NUP98: variants seen among roughly 807,000 people sequenced by gnomAD.
The protein encoded by NUP98 is nuclear pore complex protein Nup98-Nup96.
In NUP98, 26 loss-of-function variants were observed where a neutral mutation model predicts 191.9. The observed-to-expected ratio is 0.14, with a 90% CI of 0.10 to 0.19. NUP98 has a LOEUF of 0.19. Among genes scored for constraint, NUP98 ranks in the 10% least tolerant of loss-of-function variants. The pLI, the probability that NUP98 is intolerant of heterozygous loss-of-function variation, is 1.00. For synonymous variants in NUP98, 808 were observed against 778.4 expected (o/e 1.04, Z -0.63); for missense variants, 1,941 against 2,178.8 (o/e 0.89, Z 2.17).
Position 3,744,568 on chromosome 11 carries a change from G to T in NUP98, c.1349C>A (p.Ala450Asp), listed in dbSNP as rs2080418108. The T allele has an allele frequency of 6.2e-7, 1 of 1,613,796 alleles. No individual in the cohort carries two copies. The highest frequency in any genetic ancestry group is 8.5e-7 in the Non-Finnish European group (1 of 1,179,798). Residue 450 changes from alanine to aspartate, a missense_variant, in exon 12 of 33, where the codon GCC (alanine) becomes GAC (aspartate). Ala to Asp is a moderately radical substitution (Grantham distance 126, BLOSUM62 -2). Coordinates refer to ENST00000324932, the MANE Select transcript of NUP98 (RefSeq NM_016320.5). ...GGPLGTGAFG[A>D]PGFNTTTATL... The stretch of plus-strand genomic sequence containing the variant: ...GGCTGTCGTAGTATTAAATCCAGGG[G>T]CCCCAAAGGCTCCTGTACCAAGAGG...
intron 24 of NUP98, among the ~76,000 whole-genome samples, chr11:3,699,942 C>T (rs1408219226): frequency 6.6e-6 from 1 of 151,986 alleles, no homozygotes; most frequent in Non-Finnish European, 1.5e-5. Flanking sequence ...TTCAGAAAAA[C>T]ATGGTCATGA....
intron 10 of NUP98, among the ~76,000 whole-genome samples, chr11:3,758,727 G>A (rs2081062493): frequency 4.6e-5 from 7 of 152,180 alleles, no homozygotes; most frequent in Admixed American, 4.6e-4. Flanking sequence ...GGAGGTTGCA[G>A]TGAGCCAAGA....
chr11:3,760,811 A>G (rs1276975588), intron 9 of NUP98, among the ~76,000 whole-genome samples, 185 bp from the exon 10 acceptor site: 1 of 152,236 alleles, frequency 6.6e-6, no homozygotes, highest in Non-Finnish European at 1.5e-5. Context: ...GATTAACTTT[A>G]TAAACACGGA....
intron 11 of NUP98, among the ~76,000 whole-genome samples, chr11:3,748,707 G>GA (rs1234828263): frequency 2.7e-5 from 4 of 150,686 alleles, no homozygotes; most frequent in South Asian, 2.1e-4. Flanking sequence ...TTGAGCAAAA[G>GA]AAAAAAAAGA....
chr11:3,705,224 G>A lies in NUP98; in HGVS notation c.3058C>T (p.His1020Tyr), dbSNP rs776158296. Residue 1020 changes from histidine to tyrosine, a missense_variant, in exon 22 of 33, where the codon CAC becomes TAC. Physicochemically the swap from His to Tyr is moderately conservative, Grantham distance 83. This residue lies in a region of NUP98 where 1,030 missense variants were observed against 1,115.8 expected (regional missense o/e 0.92). Coordinates refer to ENST00000324932, the MANE Select transcript of NUP98 (RefSeq NM_016320.5). ...CSPRLPISAS[H>Y]SSKTRSLVGG... The stretch of plus-strand genomic sequence containing the variant: ...CCTAGTGAACGAGTTTTCGACGAGT[G>A]GGATGCTGAAATGGGGAGTCTGGGA... The A allele has an allele frequency of 1.8e-5, 29 of 1,614,026 alleles. No homozygotes were observed. The highest frequency in any genetic ancestry group is 3.3e-4 in the Middle Eastern group (2 of 6,084).
Position 3,719,305 on chromosome 11 carries a change from T to C in NUP98, c.2399+107A>G, listed in dbSNP as rs765828904. The C allele has an allele frequency of 7.3e-6, 6 of 825,244 alleles. No individual in the cohort carries two copies. In the South Asian group the frequency reaches 9.0e-5, roughly 12 times the overall value. 51.1% of individuals were successfully genotyped at this position (825,244 alleles called of 1,614,324 possible). On this transcript the variant is annotated intron_variant, in intron 18 of 32. Coordinates refer to ENST00000324932, the MANE Select transcript of NUP98 (RefSeq NM_016320.5). The stretch of plus-strand genomic sequence containing the variant: ...AAGTAGAGACAATAAATGTACTCTA[T>C]AGTAAGGAAAGCAAGCTACAGAAGC...
intron 28 of NUP98, among the ~76,000 whole-genome samples, chr11:3,686,528 C>CT (rs1378276159): frequency 2.0e-5 from 3 of 151,870 alleles, no homozygotes; most frequent in Admixed American, 2.0e-4. Flanking sequence ...TTACTTTTTT[C>CT]TTTTTTTTGA....
rs1250679067 is a variant in NUP98 at position 3,753,349 on chromosome 11, G to C, written c.1234C>G (p.Leu412Val). The C allele has an allele frequency of 1.2e-6, 2 of 1,614,046 alleles. No individual in the cohort carries two copies. Among genetic ancestry groups the C allele is most frequent in the Non-Finnish European group, 8.5e-7 (1 of 1,179,970 alleles). Residue 412 changes from leucine to valine, a missense_variant, in exon 11 of 33, where the codon CTT becomes GTT. By Grantham distance (32) the Leu-to-Val change is conservative (BLOSUM62 1). This residue lies in a region of NUP98 where 453 missense variants were observed against 438.2 expected (regional missense o/e 1.03). Transcript: ENST00000324932. ...AATCCTGCACCAAGCCCAGTTCCAA[G>C]AGTCCCAGGTGCTGGTTTACTTCCA... is the stretch of plus-strand genomic sequence containing the variant. ...IFGSKPAPGT[L>V]GTGLGAGFGT...
At chr11:3,741,628 A>G (rs1246404303) in intron 12 of NUP98, among the ~76,000 whole-genome samples, 1 of 152,230 alleles carries the variant, frequency 6.6e-6, no homozygotes, top group Non-Finnish European at 1.5e-5. Flanking sequence ...CTCAAAAAAA[A>G]AGGAAATCCA....
At chr11:3,764,286 C>G (rs2081267993) in intron 8 of NUP98, among the ~76,000 whole-genome samples, 1 of 152,126 alleles carries the variant, frequency 6.6e-6, no homozygotes, top group African/African-American at 2.4e-5. Flanking sequence ...GTACTTCATT[C>G]CAATTTATGG....
Position 3,778,957 on chromosome 11 carries a change from A to G in NUP98, c.271T>C (p.Leu91=), listed in dbSNP as rs751503354. The part of the protein sequence containing the change: ...FGTSTGTANT[L]FGTASTGTSL... ...GTCCCTGTGCTTGCAGTTCCAAACA[A>G]GGTATTTGCTGTTCCTGTTGACGTA... Residue 91 remains leucine (L), a synonymous_variant, in exon 4 of 33, where the codon TTG becomes CTG. Coordinates refer to ENST00000324932, the MANE Select transcript of NUP98 (RefSeq NM_016320.5). 2 of 1,614,208 alleles carry G rather than the reference A, an allele frequency of 1.2e-6. No homozygotes were observed. Among genetic ancestry groups the G allele is most frequent in the Admixed American group, 3.3e-5 (2 of 60,018 alleles).
At chr11:3,694,304 G>C (rs1452298912) in intron 26 of NUP98, among the ~76,000 whole-genome samples, 1 of 151,892 alleles carries the variant, frequency 6.6e-6, no homozygotes, top group Admixed American at 6.6e-5. Context: ...CTGGGACACA[G>C]AGGTTGCAGT....
At chr11:3,694,885 T>C (rs2078452037) in intron 26 of NUP98, among the ~76,000 whole-genome samples, 1 of 152,154 alleles carries the variant, frequency 6.6e-6, no homozygotes, top group African/African-American at 2.4e-5. Flanking sequence ...ACCCTATTGC[T>C]ATAAATTCTT....
At chr11:3,787,290 CCTCT>C (rs1210571869) in intron 1 of NUP98, among the ~76,000 whole-genome samples, 1 of 152,178 alleles carries the variant, frequency 6.6e-6, no homozygotes, top group Non-Finnish European at 1.5e-5. Flanking sequence ...AACATCATAT[CCTCT>C]CTAAGGCCGG....
chr11:3,771,198 T>A lies in NUP98; in HGVS notation c.784+550A>T, dbSNP rs139230953. On this transcript the variant is annotated intron_variant, in intron 7 of 32. Coordinates refer to ENST00000324932, the MANE Select transcript of NUP98 (RefSeq NM_016320.5). ...CCTTGTCCAAGACACTAACACCTCT[T>A]ATGTTGATAATAGCTTTCTAAGTAA... Among the ~76,000 whole-genome samples, 782 of 152,262 alleles carry A rather than the reference T, an allele frequency of 5.1e-3. 10 individuals are homozygous for A. The highest frequency in any genetic ancestry group is 0.017 in the African/African-American group (724 of 41,566).
intron 8 of NUP98, among the ~76,000 whole-genome samples, chr11:3,767,445 C>T (rs557375252): frequency 4.6e-5 from 7 of 151,800 alleles, no homozygotes; most frequent in Admixed American, 3.3e-4. Flanking sequence ...TATTCTTGTG[C>T]CTCAGCCTCC....
Position 3,713,964 on chromosome 11 carries a change from G to A in NUP98, c.2431C>T (p.Pro811Ser), listed in dbSNP as rs745850316. The A allele has an allele frequency of 6.2e-7, 1 of 1,613,954 alleles. No homozygotes were observed. Among genetic ancestry groups the A allele is most frequent in the Non-Finnish European group, 8.5e-7 (1 of 1,179,960 alleles). ...KAEVTLDGVWPTDKTSRCLIK... is the reference protein window; with the variant it reads ...KAEVTLDGVWSTDKTSRCLIK... ...AAACAACGAGATGTTTTATCTGTTG[G>A]CCAAACTCCATCCAATGTAACTTCA... is the stretch of plus-strand genomic sequence containing the variant. The change falls in exon 19 of 33, where the codon CCA becomes TCA. Residue 811 changes from proline to serine, a missense_variant. By Grantham distance (74) the Pro-to-Ser change is moderately conservative. Coordinates refer to ENST00000324932, the MANE Select transcript of NUP98 (RefSeq NM_016320.5).
At chr11:3,778,107 G>A (rs2081813074) in intron 4 of NUP98, among the ~76,000 whole-genome samples, 1 of 148,614 alleles carries the variant, frequency 6.7e-6, no homozygotes, top group African/African-American at 2.5e-5. Flanking sequence ...GCTGAGGCAG[G>A]AGAATGGCAT....
At chr11:3,677,436 G>A (rs1293499739) in intron 31 of NUP98, among the ~76,000 whole-genome samples, 1 of 138,300 alleles carries the variant, frequency 7.2e-6, no homozygotes, top group East Asian at 2.1e-4. Flanking sequence ...TTTGGGAGAA[G>A]GGGGGTCTCG....
Sources: allele counts gnomAD v4.1 joint callset (sites outside exome capture counted in the v4.1 genomes callset), GRCh38; gene constraint gnomAD v4.1.1; regional missense constraint gnomAD v4.1.1; transcripts MANE v1.5; gene names NCBI Gene and HGNC (gene_info 2026-07-23, HGNC 2026-07-21).